Variants in USP10 observed in about 807,000 individuals in gnomAD.
USP10 encodes the protein ubiquitin carboxyl-terminal hydrolase 10.
Under a neutral mutation model 84.5 loss-of-function variants are expected in USP10, and 22 were observed. The observed-to-expected ratio is 0.26, with a 90% CI of 0.19 to 0.37. The LOEUF is 0.37. Among genes scored for constraint, USP10 ranks in the 10% least tolerant of loss-of-function variants. USP10 has a pLI of 1.00. For synonymous variants in USP10, 454 were observed against 387.6 expected (o/e 1.17, Z -2.01); for missense variants, 1,019 against 998.9 (o/e 1.02, Z -0.27).
intron 13 of USP10, among the ~76,000 whole-genome samples, chr16:84,777,806 C>T (rs1915172374): frequency 6.6e-6 from 1 of 152,224 alleles, no homozygotes; most frequent in East Asian, 1.9e-4. Context: ...AATTCCCTAC[C>T]AGCCAAGTCT....
chr16:84,700,532 G>C (rs979375079), intron 1 of USP10, among the ~76,000 whole-genome samples: 14 of 152,100 alleles, frequency 9.2e-5, no homozygotes, highest in Admixed American at 6.5e-4. Context: ...TGCTGCCTCT[G>C]CCTGGAGCGA....
chr16:84,763,917 T>A (rs566436019), intron 9 of USP10, among the ~76,000 whole-genome samples, 169 bp from the exon 10 acceptor site: 1 of 151,190 alleles, frequency 6.6e-6, no homozygotes, highest in African/African-American at 2.4e-5. Context: ...CCTGTTGCGA[T>A]TGGCCGTGGA....
chr16:84,775,363 G>A, intron 13 of USP10, 138 bp downstream of exon 13: 1 of 774,418 alleles, frequency 1.3e-6, no homozygotes, highest in South Asian at 1.5e-5. Context: ...GAGTCGGGGA[G>A]TCACGTGAGA....
chr16:84,730,035 T>G (rs1323392210), intron 1 of USP10, among the ~76,000 whole-genome samples: 3 of 152,202 alleles, frequency 2.0e-5, no homozygotes, highest in Admixed American at 2.0e-4. Context: ...TGTTTACTTT[T>G]TATGATTAAT....
At chr16:84,773,276 A>G (rs1914641393) in intron 12 of USP10, among the ~76,000 whole-genome samples, 2 of 152,222 alleles carry the variant, frequency 1.3e-5, no homozygotes, top group Non-Finnish European at 1.5e-5. Context: ...GTATAGTACA[A>G]CACTGAGGCT....
At chr16:84,757,396 G>GGGGTGTGTGT (rs1555546425) in intron 4 of USP10, among the ~76,000 whole-genome samples, 10 of 127,436 alleles carry the variant, frequency 7.8e-5, no homozygotes, top group African/African-American at 2.5e-4. Context: ...GAATGAGAGG[G>GGGGTGTGTGT]GTGGGGGTGT....
intron 10 of USP10, 29 bp downstream of exon 10, chr16:84,764,292 T>C: frequency 1.2e-6 from 2 of 1,613,882 alleles, no homozygotes; most frequent in Non-Finnish European, 1.7e-6. Context: ...TAACTTAATA[T>C]TTGCCTTTTC....
intron 4 of USP10, 40 bp downstream of exon 4, chr16:84,745,713 G>GT: frequency 6.4e-7 from 1 of 1,555,000 alleles, no homozygotes; most frequent in South Asian, 1.2e-5. Flanking sequence ...GAAGATGGGA[G>GT]CAGACCTCAT....
At position 84,760,211 on chromosome 16, in the gene USP10, C is replaced by T. The variant is rs571088820; in HGVS notation, c.1490C>T (p.Ala497Val). The T allele has an allele frequency of 1.7e-5, 27 of 1,611,028 alleles. 1 individual carries two copies. In the South Asian group the frequency reaches 2.8e-4, roughly 17 times the overall value. Residue 497 changes from alanine to valine, a missense_variant, in exon 8 of 14, where the codon GCT (alanine) becomes GTT (valine). By Grantham distance (64) the Ala-to-Val change is moderately conservative (BLOSUM62 0). Around this residue, in one of 2 missense-constraint regions of USP10, gnomAD observed 787 missense variants for 708.8 expected, o/e 1.11. Coordinates refer to ENST00000219473, the MANE Select transcript of USP10 (RefSeq NM_005153.3). ...DKIVRDIRPG[A>V]AFEPTYIYRL... ...ATCGTGAGGGATATTCGCCCTGGAG[C>T]TGCCTTTGAGCCCACATATATTTAC... is the stretch of plus-strand genomic sequence containing the variant.
At chr16:84,776,110 G>A (rs1446784082) in intron 13 of USP10, among the ~76,000 whole-genome samples, 1 of 152,132 alleles carries the variant, frequency 6.6e-6, no homozygotes, top group African/African-American at 2.4e-5. Flanking sequence ...TTCCTTACAT[G>A]TGTCCTAGGA....
At chr16:84,756,438 C>A (rs551015962) in intron 4 of USP10, among the ~76,000 whole-genome samples, 1 of 152,168 alleles carries the variant, frequency 6.6e-6, no homozygotes, top group African/African-American at 2.4e-5. Flanking sequence ...CCTAAAAATA[C>A]AAAAATTAGC....
At chr16:84,730,302 G>T (rs1283184900) in intron 1 of USP10, among the ~76,000 whole-genome samples, 3 of 151,986 alleles carry the variant, frequency 2.0e-5, no homozygotes, top group Non-Finnish European at 4.4e-5. Context: ...TACACCGAGA[G>T]TGCTTTCTTC....
chr16:84,719,250 C>G (rs547497834), intron 1 of USP10, among the ~76,000 whole-genome samples: 372 of 152,168 alleles, frequency 2.4e-3, no homozygotes, highest in Non-Finnish European at 3.7e-3. Context: ...TTTATAATTT[C>G]TTTTTTAACT....
At chr16:84,729,270 G>C (rs1908903565) in intron 1 of USP10, among the ~76,000 whole-genome samples, 1 of 152,216 alleles carries the variant, frequency 6.6e-6, no homozygotes, top group African/African-American at 2.4e-5. Flanking sequence ...TACCATGCCA[G>C]CTTACTTTGC....
intron 8 of USP10, among the ~76,000 whole-genome samples, chr16:84,761,530 G>C (rs1383956562): frequency 1.3e-5 from 2 of 152,222 alleles, no homozygotes; most frequent in African/African-American, 4.8e-5. Context: ...TCCTCTCCCA[G>C]TGGGGCCACA....
chr16:84,738,641 A>T (rs1030938985), intron 2 of USP10, among the ~76,000 whole-genome samples: 1 of 152,166 alleles, frequency 6.6e-6, no homozygotes, highest in African/African-American at 2.4e-5. Context: ...TGTCAACGTG[A>T]TGCGTACTAG....
intron 4 of USP10, among the ~76,000 whole-genome samples, 199 bp downstream of exon 4, chr16:84,745,872 TTA>T (rs1337376007): frequency 6.6e-6 from 1 of 152,180 alleles, no homozygotes; most frequent in Admixed American, 6.5e-5. Flanking sequence ...TGTCGTAACT[TTA>T]TGTTAAGTGA....
intron 4 of USP10, among the ~76,000 whole-genome samples, chr16:84,748,565 A>T (rs193019224): frequency 6.6e-6 from 1 of 152,146 alleles, no homozygotes; most frequent in Admixed American, 6.5e-5. Context: ...CAGCCTCTCA[A>T]AGTGCTGAGA....
Position 84,759,887 on chromosome 16 carries a change from TTAGTGTTCGGCTAATGA to T in USP10, c.1395-3_1408del. 1 of 1,613,886 alleles carries T rather than the reference TTAGTGTTCGGCTAATGA, an allele frequency of 6.2e-7. No individual in the cohort carries two copies. On this transcript the variant is annotated splice_acceptor_variant and splice_polypyrimidine_tract_variant and coding_sequence_variant and intron_variant, in exon 7 of 14. Coordinates refer to ENST00000219473, the MANE Select transcript of USP10 (RefSeq NM_005153.3). LOFTEE classifies it high-confidence loss of function. ...ACTATTTAACATTTTTTCCCCATGT[TTAGTGTTCGGCTAATGA>T]ATGAGTTCACTAATATGCCAGTACC...
Sources: gnomAD v4.1 joint callset for allele counts (sites outside exome capture counted in the v4.1 genomes callset) on GRCh38, gnomAD v4.1.1 for gene constraint, gnomAD v4.1.1 regional missense constraint, MANE v1.5 for transcripts, NCBI Gene and HGNC (gene_info 2026-07-23, HGNC 2026-07-21) for gene names.